CSMD1: variants seen among roughly 807,000 people sequenced by gnomAD.
The protein encoded by CSMD1 is CUB and sushi domain-containing protein 1.
A neutral mutation model predicts 417.5 loss-of-function variants in CSMD1; 213 were observed. The ratio of observed to expected loss-of-function variants is 0.51; its 90% confidence interval spans 0.46 to 0.57. The LOEUF is 0.57. Among genes scored for constraint, CSMD1 ranks in the 20% least tolerant of loss-of-function variants. The pLI is 0.00. For missense variants in CSMD1, 6,923 were observed against 4,529.7 expected, an observed-to-expected ratio of 1.53 and a Z score of -15.17; for synonymous variants, 2,862 against 1,736.8, an observed-to-expected ratio of 1.65 and a Z score of -16.11.
chr8:3,319,069 C>T (rs963403102), intron 23 of CSMD1, among the ~76,000 whole-genome samples: 4 of 152,182 alleles, frequency 2.6e-5, no homozygotes, highest in Admixed American at 6.5e-5. Context: ...TCAGAACATA[C>T]TGCAAAACAA....
intron 2 of CSMD1, among the ~76,000 whole-genome samples, chr8:4,612,235 TC>T (rs1437476982): frequency 6.6e-6 from 1 of 152,144 alleles, no homozygotes; most frequent in Non-Finnish European, 1.5e-5. Flanking sequence ...TTTCAACACT[TC>T]CGTTTCCAGC....
At chr8:3,288,428 C>T (rs140277949) in intron 25 of CSMD1, among the ~76,000 whole-genome samples, 2,997 of 146,970 alleles carry the variant, frequency 0.02, 572 homozygotes, top group African/African-American at 0.078. Context: ...CCATCTGGTC[C>T]TGGACTTTTT....
intron 1 of CSMD1, among the ~76,000 whole-genome samples, chr8:4,807,250 A>C (rs1193150485): frequency 6.6e-6 from 1 of 152,112 alleles, no homozygotes; most frequent in East Asian, 1.9e-4. Flanking sequence ...CTCCCACAGA[A>C]AGCAAACCTT....
At chr8:3,762,724 G>A (rs759291505) in intron 5 of CSMD1, among the ~76,000 whole-genome samples, 3 of 152,222 alleles carry the variant, frequency 2.0e-5, no homozygotes, top group Non-Finnish European at 4.4e-5. Context: ...AAGATGGTCG[G>A]GGGGAGCCAG....
intron 1 of CSMD1, among the ~76,000 whole-genome samples, chr8:4,771,931 T>C (rs1348594947): frequency 6.6e-6 from 1 of 152,142 alleles, no homozygotes; most frequent in Non-Finnish European, 1.5e-5. Flanking sequence ...CTCTAGCCCA[T>C]CCCGGGGATC....
At chr8:4,242,521 A>C (rs1024252226) in intron 3 of CSMD1, among the ~76,000 whole-genome samples, 7 of 152,256 alleles carry the variant, frequency 4.6e-5, no homozygotes, top group Admixed American at 4.6e-4. Flanking sequence ...AGTATCTTAA[A>C]AATGTTCTTA....
chr8:3,999,795 T>C (rs1419406537), intron 4 of CSMD1, among the ~76,000 whole-genome samples: 1 of 152,190 alleles, frequency 6.6e-6, no homozygotes, highest in Non-Finnish European at 1.5e-5. Flanking sequence ...AAATCAAGAC[T>C]ACATGAGGGA....
At chr8:3,265,892 A>G (rs1316320851) in intron 26 of CSMD1, among the ~76,000 whole-genome samples, 1 of 151,970 alleles carries the variant, frequency 6.6e-6, no homozygotes, top group African/African-American at 2.4e-5. Flanking sequence ...CAGCTTCTCC[A>G]TCTCCTTGGA....
chr8:4,664,447 C>T (rs1053245609), intron 1 of CSMD1, among the ~76,000 whole-genome samples: 12 of 152,084 alleles, frequency 7.9e-5, no homozygotes, highest in Admixed American at 6.6e-5. Flanking sequence ...GTGGTCTCAG[C>T]TACTCCAGAG....
intron 7 of CSMD1, among the ~76,000 whole-genome samples, chr8:3,628,293 G>A (rs545245543): frequency 6.6e-6 from 1 of 152,070 alleles, no homozygotes; most frequent in Non-Finnish European, 1.5e-5. Context: ...GCCCAGCAGA[G>A]GTTGCAGCCC....
chr8:4,028,087 T>C (rs1375808774), intron 4 of CSMD1, among the ~76,000 whole-genome samples: 3 of 151,648 alleles, frequency 2.0e-5, no homozygotes, highest in Non-Finnish European at 4.4e-5. Flanking sequence ...TGAAAAGTAA[T>C]TAATAAGAAA....
intron 10 of CSMD1, among the ~76,000 whole-genome samples, chr8:3,549,943 T>A (rs371911306): frequency 4.6e-5 from 7 of 152,202 alleles, no homozygotes; most frequent in African/African-American, 1.4e-4. Flanking sequence ...ATTCAGGCAA[T>A]TGAAATAATT....
At chr8:4,241,622 G>A (rs771991403) in intron 3 of CSMD1, among the ~76,000 whole-genome samples, 5 of 152,102 alleles carry the variant, frequency 3.3e-5, no homozygotes, top group Non-Finnish European at 7.3e-5. Context: ...TCTATGTAGA[G>A]GAGAAATAAT....
chr8:3,448,908 A>T (rs10097211), intron 12 of CSMD1, among the ~76,000 whole-genome samples: 4 of 152,110 alleles, frequency 2.6e-5, no homozygotes, highest in Admixed American at 2.0e-4. Flanking sequence ...GCACCTCCCT[A>T]TGTATGAATG....
chr8:3,084,524 CAA>C (rs201491681), intron 49 of CSMD1, among the ~76,000 whole-genome samples: 5 of 97,534 alleles, frequency 5.1e-5, no homozygotes, highest in Non-Finnish European at 4.0e-5. Context: ...AACTCCGTCT[CAA>C]AAAAAAAAAA....
At chr8:2,963,459 C>G in intron 59 of CSMD1, 64 bp from the exon 60 acceptor site, 13 of 1,510,580 alleles carry the variant, frequency 8.6e-6, no homozygotes, top group Non-Finnish European at 1.2e-5. Context: ...GATGTTCAAA[C>G]GATTCCCATT....
intron 1 of CSMD1, among the ~76,000 whole-genome samples, chr8:4,927,204 T>C (rs528089468): frequency 6.6e-6 from 1 of 151,148 alleles, no homozygotes; most frequent in Non-Finnish European, 1.5e-5. Flanking sequence ...CCTCCCACGT[T>C]CAAGTGCTTT....
chr8:3,987,139 G>A (rs768357548), intron 5 of CSMD1, among the ~76,000 whole-genome samples: 29 of 152,224 alleles, frequency 1.9e-4, no homozygotes, highest in African/African-American at 3.9e-4. Context: ...CACACACAGC[G>A]TCTATCCGAG....
chr8:3,657,830 A>G (rs2082962933), intron 7 of CSMD1, among the ~76,000 whole-genome samples: 1 of 152,204 alleles, frequency 6.6e-6, no homozygotes, highest in African/African-American at 2.4e-5. Context: ...TGTACCCCAG[A>G]ACTTGAAGTA....
Sources: allele counts gnomAD v4.1 joint callset (sites outside exome capture counted in the v4.1 genomes callset), GRCh38; gene constraint gnomAD v4.1.1; transcripts MANE v1.5; gene names NCBI Gene and HGNC (gene_info 2026-07-23, HGNC 2026-07-21).